CTNNA2: variants seen among roughly 807,000 people sequenced by gnomAD.
The protein encoded by CTNNA2 is catenin alpha-2.
In CTNNA2, 42 loss-of-function variants were observed where a neutral mutation model predicts 101.0. The ratio of observed to expected loss-of-function variants is 0.42; its 90% CI spans 0.32 to 0.54. The LOEUF (loss-of-function observed/expected upper bound fraction) is 0.54, where lower values mean the gene tolerates loss of function less well. Ranked by LOEUF, CTNNA2 falls within the 20% of genes least tolerant of loss-of-function variation. The probability of loss-of-function intolerance (pLI) is 0.14; values close to 1 mark genes in which losing one functional copy is unlikely to be tolerated. For missense variants in CTNNA2, 871 were observed against 1,223.1 expected, an observed-to-expected ratio of 0.71 and a Z score of 4.29; for synonymous variants, 450 against 456.4, an observed-to-expected ratio of 0.99 and a Z score of 0.18.
At chr2:79,357,432 G>A (rs748372802) in intron 3 of CTNNA2, among the ~76,000 whole-genome samples, 26 of 152,030 alleles carry the variant, frequency 1.7e-4, no homozygotes, top group Non-Finnish European at 2.9e-4. Flanking sequence ...TTCTTGGACC[G>A]AATCACAGAA....
intron 4 of CTNNA2, among the ~76,000 whole-genome samples, chr2:79,378,738 C>T (rs999937906): frequency 6.6e-6 from 1 of 152,064 alleles, no homozygotes; most frequent in South Asian, 2.1e-4. Context: ...GCAGAATGCC[C>T]AAATAACCAT....
intron 9 of CTNNA2, among the ~76,000 whole-genome samples, chr2:80,496,338 C>T (rs1317976332): frequency 6.6e-6 from 1 of 150,938 alleles, no homozygotes; most frequent in Non-Finnish European, 1.5e-5. Flanking sequence ...ATGTGTTATA[C>T]ACATATAATG....
At chr2:79,779,136 T>G (rs552234378) in intron 3 of CTNNA2, among the ~76,000 whole-genome samples, 329 of 145,186 alleles carry the variant, frequency 2.3e-3, no homozygotes, top group Non-Finnish European at 3.2e-3. Flanking sequence ...TGTTGTTGTT[T>G]TTTTTTTTTC....
intron 7 of CTNNA2, among the ~76,000 whole-genome samples, chr2:80,236,123 C>T (rs1398630711): frequency 1.3e-5 from 2 of 152,302 alleles, no homozygotes; most frequent in East Asian, 1.9e-4. Context: ...TATCCATGTT[C>T]TCTCAAAAGA....
intron 7 of CTNNA2, among the ~76,000 whole-genome samples, chr2:79,939,531 C>T (rs971096085): frequency 1.3e-5 from 2 of 152,046 alleles, no homozygotes; most frequent in Non-Finnish European, 2.9e-5. Flanking sequence ...TTGTTACTTT[C>T]TCTCCCAAAA....
At chr2:79,380,417 T>C (rs1212800286) in intron 4 of CTNNA2, among the ~76,000 whole-genome samples, 1 of 152,018 alleles carries the variant, frequency 6.6e-6, no homozygotes, top group East Asian at 1.9e-4. Flanking sequence ...TTGGCAAACA[T>C]TAGTCTGTCA....
At chr2:80,095,637 CT>C (rs938463397) in intron 7 of CTNNA2, among the ~76,000 whole-genome samples, 21 of 152,192 alleles carry the variant, frequency 1.4e-4, no homozygotes, top group African/African-American at 4.8e-4. Context: ...TGGTCCTGGA[CT>C]TTTTTTGGTT....
At chr2:80,096,258 C>G (rs921047173) in intron 7 of CTNNA2, among the ~76,000 whole-genome samples, 1 of 152,206 alleles carries the variant, frequency 6.6e-6, no homozygotes, top group South Asian at 2.1e-4. Context: ...CATTTTGTTA[C>G]ATACTCAGTA....
At chr2:80,178,943 G>C (rs1455114352) in intron 7 of CTNNA2, among the ~76,000 whole-genome samples, 1 of 152,176 alleles carries the variant, frequency 6.6e-6, no homozygotes, top group Non-Finnish European at 1.5e-5. Flanking sequence ...TCACTCACTG[G>C]ATCCAATCAG....
Position 80,534,339 on chromosome 2 carries a change from TTGA to T in CTNNA2, c.1291-10638_1291-10636del, listed in dbSNP as rs1690806302. Among the ~76,000 whole-genome samples, 6 of 152,302 alleles carry T rather than the reference TTGA, an allele frequency of 3.9e-5. No homozygotes were observed. In the South Asian group the frequency reaches 1.2e-3, roughly 32 times the overall value. ...TTGATATTAGCTGGTGTATGCTAAT[TTGA>T]TGATAAACTTATTTGATTAACTGAT... On this transcript the variant is annotated intron_variant, in intron 9 of 18. Transcript: ENST00000402739.
In CTNNA2 at chr2:80,552,939, G is replaced by A. The variant is rs182425401; in HGVS notation, c.1541-2754G>A. ...TTTATAAAAATTAGTCAATTAGGCC[G>A]GGCCTAGTGGGTCATGCCTGTAATC... On this transcript the variant is annotated intron_variant, in intron 11 of 18. Transcript: ENST00000402739. Among the ~76,000 whole-genome samples, 42 of 152,024 alleles carry A rather than the reference G, an allele frequency of 2.8e-4. No individual in the cohort carries two copies. In the East Asian group the frequency reaches 5.0e-3, roughly 18 times the overall value.
Position 79,758,434 on chromosome 2 carries a change from A to T in CTNNA2, c.298+13852A>T, listed in dbSNP as rs142321715. Among the ~76,000 whole-genome samples, 4 of 152,288 alleles carry T rather than the reference A, an allele frequency of 2.6e-5. No homozygotes were observed. The East Asian group carries it at 5.8e-4, about 22-fold the overall frequency. ...TGTGACTCTTCTTTTTTTAAAACAA[A>T]AATAATAATAATTTCAAGATTTATT... On this transcript the variant is annotated intron_variant, in intron 3 of 18. Coordinates refer to ENST00000402739, the MANE Select transcript of CTNNA2 (RefSeq NM_001282597.3).
chr2:80,103,469 G>A lies in CTNNA2; in HGVS notation c.1056+193672G>A, dbSNP rs77377267. 7.4e-4 allele frequency among the ~76,000 whole-genome samples: 112 copies of A among 152,230 alleles called. No individual in the cohort carries two copies. In the East Asian group the frequency reaches 0.02, roughly 28 times the overall value. On this transcript the variant is annotated intron_variant, in intron 7 of 18. Coordinates refer to ENST00000402739, the MANE Select transcript of CTNNA2 (RefSeq NM_001282597.3). The stretch of plus-strand genomic sequence containing the variant: ...CCCTGTCCCTAAATGCAGGCATATT[G>A]GAGGTTAGGGCTTCAACATATGAAT...
chr2:80,616,599 T>C (rs751672654), intron 17 of CTNNA2: 13 of 151,820 alleles, frequency 8.6e-5, no homozygotes, highest in South Asian at 8.3e-4. Context: ...ACTATAATAA[T>C]GGAGTCTTGA....
intron 1 of CTNNA2, among the ~76,000 whole-genome samples, chr2:79,520,016 A>G (rs1272653725): frequency 6.6e-6 from 1 of 152,242 alleles, no homozygotes; most frequent in Non-Finnish European, 1.5e-5. Flanking sequence ...GGCATAGCAA[A>G]GCCTTGCTTA....
intron 2 of CTNNA2, among the ~76,000 whole-genome samples, chr2:79,686,655 TAAAC>T (rs1173395256): frequency 2.6e-5 from 4 of 152,070 alleles, no homozygotes; most frequent in African/African-American, 9.7e-5. Flanking sequence ...CAGTAGCCAT[TAAAC>T]AAACAAATGA....
intron 8 of CTNNA2, among the ~76,000 whole-genome samples, chr2:80,410,035 G>T (rs569104946): frequency 6.6e-6 from 1 of 152,312 alleles, no homozygotes; most frequent in Non-Finnish European, 1.5e-5. Flanking sequence ...GTGAGCTTCT[G>T]CAAAACTAGT....
At chr2:80,243,173 CATT>C (rs1671071093) in intron 7 of CTNNA2, among the ~76,000 whole-genome samples, 1 of 152,140 alleles carries the variant, frequency 6.6e-6, no homozygotes, top group African/African-American at 2.4e-5. Context: ...TAGTAAGAAA[CATT>C]ATGGGGGTCA....
chr2:80,444,813 C>G (rs1376760222), intron 9 of CTNNA2, among the ~76,000 whole-genome samples: 1 of 152,180 alleles, frequency 6.6e-6, no homozygotes, highest in Non-Finnish European at 1.5e-5. Context: ...CACCCTGGAC[C>G]TCCAGCCTCT....
Sources: allele counts gnomAD v4.1 joint callset (sites outside exome capture counted in the v4.1 genomes callset), GRCh38; gene constraint gnomAD v4.1.1; transcripts MANE v1.5; gene names NCBI Gene and HGNC (gene_info 2026-07-23, HGNC 2026-07-21).